SULT2B1: variants seen among roughly 807,000 people sequenced by gnomAD.
The protein encoded by SULT2B1 is sulfotransferase family 2B member 1, also known as sulfotransferase 2B1.
In SULT2B1, 16 loss-of-function variants were observed where a neutral mutation model predicts 33.2. That is an observed-to-expected ratio of 0.48 (90% confidence interval 0.33 to 0.73). The LOEUF is 0.73. Ranked by LOEUF, SULT2B1 falls within the 30% of genes least tolerant of loss-of-function variation. The pLI is 0.02. For synonymous variants in SULT2B1, 186 were observed against 200.5 expected (o/e 0.93, Z 0.61); for missense variants, 500 against 506.0 (o/e 0.99, Z 0.11).
At chr19:48,579,605 C>CTTTTTTTTTT (rs149157128) in intron 2 of SULT2B1, among the ~76,000 whole-genome samples, 3 of 79,758 alleles carry the variant, frequency 3.8e-5, no homozygotes, top group African/African-American at 1.5e-4. Context: ...TTCTTTCTTT[C>CTTTTTTTTTT]TTTTTTTTTT....
At chr19:48,572,007 G>A (rs892873461) in intron 1 of SULT2B1, among the ~76,000 whole-genome samples, 1 of 152,162 alleles carries the variant, frequency 6.6e-6, no homozygotes, top group South Asian at 2.1e-4. Context: ...GCATGAAGTG[G>A]TCCTTTCACT....
intron 1 of SULT2B1, among the ~76,000 whole-genome samples, chr19:48,572,846 G>C (rs901150673): frequency 1.3e-5 from 2 of 152,048 alleles, no homozygotes; most frequent in African/African-American, 4.8e-5. Context: ...AGGAGGGCTG[G>C]GAAGTTGGGC....
chr19:48,572,208 G>A (rs113739350), intron 1 of SULT2B1, among the ~76,000 whole-genome samples: 5,001 of 152,172 alleles, frequency 0.033, 270 homozygotes, highest in African/African-American at 0.11. Context: ...GGTCTAGAAG[G>A]TCTGCATTTA....
At chr19:48,563,393 C>T (rs892183137) in intron 1 of SULT2B1, among the ~76,000 whole-genome samples, 5 of 152,090 alleles carry the variant, frequency 3.3e-5, no homozygotes, top group African/African-American at 1.2e-4. Context: ...ACCTGGAAAC[C>T]GCCGAGGTGT....
rs779793800 is a variant in SULT2B1 at position 48,591,721 on chromosome 19, T to A, written c.536T>A (p.Phe179Tyr). 7 of 1,601,586 alleles carry A rather than the reference T, an allele frequency of 4.4e-6. No individual in the cohort carries two copies. Among genetic ancestry groups the A allele is most frequent in the South Asian group, 2.2e-5 (2 of 89,490 alleles). ...PGTPDQFLRD[F>Y]LKGEVQFGSW... Reference sequence around the variant, plus strand: ...ACACCCGACCAGTTCCTGAGGGACTTCCTCAAAGGCGAAGGTGGGGACAGG... The same window carrying A: ...ACACCCGACCAGTTCCTGAGGGACTACCTCAAAGGCGAAGGTGGGGACAGG... Residue 179 changes from phenylalanine to tyrosine, a missense_variant, in exon 4 of 7, where the codon TTC (phenylalanine) becomes TAC (tyrosine). By Grantham distance (22) the Phe-to-Tyr change is conservative. Coordinates refer to ENST00000201586, the MANE Select transcript of SULT2B1 (RefSeq NM_177973.2).
At chr19:48,578,784 G>A (rs1973446902) in intron 2 of SULT2B1, among the ~76,000 whole-genome samples, 1 of 152,076 alleles carries the variant, frequency 6.6e-6, no homozygotes, top group Non-Finnish European at 1.5e-5. Context: ...GCTGAGGCAG[G>A]AGAATTGCTT....
intron 1 of SULT2B1, among the ~76,000 whole-genome samples, chr19:48,556,306 C>T (rs1168381315): frequency 2.0e-5 from 3 of 151,980 alleles, no homozygotes; most frequent in East Asian, 1.9e-4. Flanking sequence ...TTGGCCTGTT[C>T]GTGGATAGGA....
At chr19:48,559,021 GTT>G (rs1467774713) in intron 1 of SULT2B1, among the ~76,000 whole-genome samples, 1 of 151,886 alleles carries the variant, frequency 6.6e-6, no homozygotes, top group Non-Finnish European at 1.5e-5. Flanking sequence ...TGATCAAGGG[GTT>G]TCAAACAATT....
At chr19:48,588,142 G>A (rs1156788700) in intron 3 of SULT2B1, among the ~76,000 whole-genome samples, 1 of 150,982 alleles carries the variant, frequency 6.6e-6, no homozygotes, top group East Asian at 1.9e-4. Flanking sequence ...CCTGGGAGGT[G>A]GAGGTTGCAG....
chr19:48,586,518 C>CAT (rs1308642846), intron 2 of SULT2B1, among the ~76,000 whole-genome samples: 2 of 152,126 alleles, frequency 1.3e-5, no homozygotes, highest in Non-Finnish European at 2.9e-5. Flanking sequence ...AATAGCCGCA[C>CAT]ATCACATCGC....
At chr19:48,574,262 C>CCCTT (rs1195581096) in intron 1 of SULT2B1, among the ~76,000 whole-genome samples, 1 of 151,916 alleles carries the variant, frequency 6.6e-6, no homozygotes, top group African/African-American at 2.4e-5. Flanking sequence ...CCTGGTAAAC[C>CCCTT]CCTTCATTCC....
intron 1 of SULT2B1, among the ~76,000 whole-genome samples, chr19:48,563,509 A>G (rs1426914916): frequency 6.6e-6 from 1 of 152,208 alleles, no homozygotes; most frequent in Non-Finnish European, 1.5e-5. Context: ...GACACGGAAA[A>G]TGTCAGAAAC....
intron 1 of SULT2B1, among the ~76,000 whole-genome samples, chr19:48,560,886 C>T (rs554928764): frequency 1.2e-4 from 18 of 151,946 alleles, no homozygotes; most frequent in East Asian, 1.9e-4. Context: ...CATTTGAACC[C>T]GGGAGGCAGA....
intron 1 of SULT2B1, among the ~76,000 whole-genome samples, chr19:48,569,078 C>G (rs1244497269): frequency 6.6e-6 from 1 of 152,166 alleles, no homozygotes; most frequent in East Asian, 1.9e-4. Context: ...CGTGGTGGCT[C>G]ACGCCTGTAA....
At chr19:48,584,349 G>C (rs535112848) in intron 2 of SULT2B1, among the ~76,000 whole-genome samples, 1 of 152,144 alleles carries the variant, frequency 6.6e-6, no homozygotes, top group Non-Finnish European at 1.5e-5. Flanking sequence ...AGGGGTAAAC[G>C]TCACTGCGTG....
At chr19:48,585,581 A>T (rs908317333) in intron 2 of SULT2B1, among the ~76,000 whole-genome samples, 1 of 151,972 alleles carries the variant, frequency 6.6e-6, no homozygotes, top group African/African-American at 2.4e-5. Context: ...AGGCAGGAGA[A>T]TCACTTGAAA....
intron 2 of SULT2B1, among the ~76,000 whole-genome samples, chr19:48,581,704 G>A (rs1040914231): frequency 1.4e-5 from 2 of 146,236 alleles, no homozygotes; most frequent in Non-Finnish European, 3.0e-5. Context: ...TGATCCACCC[G>A]CCTCGGCCTC....
At chr19:48,590,363 A>C (rs1348258372) in intron 3 of SULT2B1, among the ~76,000 whole-genome samples, 3 of 152,202 alleles carry the variant, frequency 2.0e-5, no homozygotes, top group Middle Eastern at 3.4e-3. Context: ...GCACTTGGGG[A>C]GGCCGAAGCA....
intron 2 of SULT2B1, among the ~76,000 whole-genome samples, chr19:48,576,361 T>TTTCTTTTTTTTC (rs1312947542): frequency 8.9e-6 from 1 of 112,546 alleles, no homozygotes. Context: ...CTACTTCTCT[T>TTTCTTTTTTTTC]TTTTTTTTTT....
Sources: gnomAD v4.1 joint callset for allele counts (sites outside exome capture counted in the v4.1 genomes callset) on GRCh38, gnomAD v4.1.1 for gene constraint, MANE v1.5 for transcripts, NCBI Gene and HGNC (gene_info 2026-07-23, HGNC 2026-07-21) for gene names.